The following PRSS12 variants were observed in gnomAD, a reference collection of about 807,000 sequenced individuals.
PRSS12 encodes the protein neurotrypsin.
In PRSS12, 85 loss-of-function variants were observed where a neutral mutation model predicts 104.4. That is an observed-to-expected ratio of 0.81 (90% confidence interval 0.68 to 0.98). The LOEUF is 0.98. Among genes scored for constraint, PRSS12 ranks in the 50% least tolerant of loss-of-function variants. PRSS12 has a pLI of 0.00. For missense variants in PRSS12, 1,141 were observed against 1,139.2 expected (o/e 1.00, Z -0.02); for synonymous variants, 454 against 425.2 (o/e 1.07, Z -0.83).
intron 11 of PRSS12, among the ~76,000 whole-genome samples, chr4:118,293,055 C>G (rs1192206055): frequency 6.6e-6 from 1 of 151,294 alleles, no homozygotes; most frequent in Non-Finnish European, 1.5e-5. Context: ...AAATAAAATA[C>G]ATATTATCTG....
chr4:118,323,486 G>A (rs1723686070), intron 4 of PRSS12, among the ~76,000 whole-genome samples: 1 of 151,422 alleles, frequency 6.6e-6, no homozygotes, highest in African/African-American at 2.4e-5. Context: ...AAAGGCGGGA[G>A]GGAGAAAGAA....
At chr4:118,304,206 A>G (rs1224607812) in intron 8 of PRSS12, among the ~76,000 whole-genome samples, 5 of 151,746 alleles carry the variant, frequency 3.3e-5, no homozygotes, top group African/African-American at 1.2e-4. Flanking sequence ...GTGTATATAT[A>G]CATATACACA....
At position 118,338,224 on chromosome 4, in the gene PRSS12, T is replaced by A; in HGVS notation, c.593A>T (p.His198Leu). ...SGVWGTVCSS[H>L]WDDSDASVIC... is the part of the protein sequence containing the mutation. ...GACTGATGCATCAGAATCATCCCAG[T>A]GGCTGCTACAGACAGTGCCCCAAAC... The change falls in exon 2 of 13, where the codon CAC becomes CTC. Residue 198 changes from histidine (H) to leucine (L), a missense_variant. His to Leu is a moderately conservative substitution (Grantham distance 99). Coordinates refer to ENST00000296498, the MANE Select transcript of PRSS12 (RefSeq NM_003619.4). 6 of 1,614,050 alleles carry A rather than the reference T, an allele frequency of 3.7e-6. No homozygotes were observed. Among genetic ancestry groups the A allele is most frequent in the Non-Finnish European group, 5.1e-6 (6 of 1,179,956 alleles).
chr4:118,315,379 T>C (rs1006345518), intron 6 of PRSS12, among the ~76,000 whole-genome samples: 1 of 152,194 alleles, frequency 6.6e-6, no homozygotes, highest in Admixed American at 6.5e-5. Context: ...TTAAAATATA[T>C]GTTTAACATG....
intron 1 of PRSS12, among the ~76,000 whole-genome samples, chr4:118,350,555 T>C (rs927414060): frequency 1.3e-5 from 2 of 152,228 alleles, no homozygotes; most frequent in African/African-American, 4.8e-5. Context: ...GTTTCTCTTT[T>C]GTTCAATCAC....
chr4:118,346,458 T>TTTTA (rs1724358221), intron 1 of PRSS12, among the ~76,000 whole-genome samples: 1 of 147,838 alleles, frequency 6.8e-6, no homozygotes, highest in African/African-American at 2.5e-5. Context: ...ACTTTCCTAT[T>TTTTA]TATATATATA....
chr4:118,325,962 A>T (rs1302234148), intron 4 of PRSS12, among the ~76,000 whole-genome samples: 1 of 152,206 alleles, frequency 6.6e-6, no homozygotes, highest in Non-Finnish European at 1.5e-5. Flanking sequence ...ATCCCTATTC[A>T]AAACATTCTT....
At chr4:118,317,386 G>A (rs1201048144) in intron 5 of PRSS12, among the ~76,000 whole-genome samples, 1 of 152,062 alleles carries the variant, frequency 6.6e-6, no homozygotes, top group African/African-American at 2.4e-5. Flanking sequence ...ATAATCTTGG[G>A]TAAGGGTCAT....
At position 118,352,329 on chromosome 4, in the gene PRSS12, C is replaced by G; in HGVS notation, c.392G>C (p.Arg131Pro). The G allele has an allele frequency of 3.1e-6, 5 of 1,588,866 alleles. No individual in the cohort carries two copies. Among genetic ancestry groups the G allele is most frequent in the South Asian group, 1.1e-5 (1 of 87,672 alleles). The change falls in exon 1 of 13, where the codon CGA becomes CCA. Residue 131 changes from arginine to proline, a missense_variant. By Grantham distance (103) the Arg-to-Pro change is moderately radical (BLOSUM62 -2). Transcript: ENST00000296498. Reference protein sequence around the residue: ...RSPPASWAQLRGQRHNFCRSP... With the variant: ...RSPPASWAQLPGQRHNFCRSP... ...CCGACAAAAGTTGTGGCGCTGTCCTCGCAGCTGAGCCCAGCTCGCTGGGGG... is the reference window on the plus strand; with the variant it reads ...CCGACAAAAGTTGTGGCGCTGTCCTGGCAGCTGAGCCCAGCTCGCTGGGGG...
chr4:118,351,568 T>C (rs1724505965), intron 1 of PRSS12, among the ~76,000 whole-genome samples: 1 of 152,218 alleles, frequency 6.6e-6, no homozygotes, highest in Non-Finnish European at 1.5e-5. Flanking sequence ...TATATTAAGT[T>C]GCTACTTCAC....
chr4:118,282,282 A>C (rs375079010), intron 12 of PRSS12, 39 bp from the exon 13 acceptor site: 2 of 1,608,770 alleles, frequency 1.2e-6, no homozygotes. Flanking sequence ...CATTCCAGAT[A>C]ACCATCGCAA....
chr4:118,343,485 C>T (rs1396105121), intron 1 of PRSS12, among the ~76,000 whole-genome samples: 1 of 152,162 alleles, frequency 6.6e-6, no homozygotes, highest in Non-Finnish European at 1.5e-5. Flanking sequence ...AGAAAAGGAA[C>T]CAAATGAGTC....
At chr4:118,310,868 T>C (rs1743691441) in intron 7 of PRSS12, among the ~76,000 whole-genome samples, 1 of 152,112 alleles carries the variant, frequency 6.6e-6, no homozygotes, top group Non-Finnish European at 1.5e-5. Flanking sequence ...CTGGCCAACA[T>C]GGCAAAACTC....
Position 118,335,467 on chromosome 4 carries a change from T to C in PRSS12, c.820+6A>G, listed in dbSNP as rs1358382148. 3.7e-6 allele frequency: 6 copies of C among 1,613,772 alleles called. No homozygotes were observed. Among genetic ancestry groups the C allele is most frequent in the Non-Finnish European group, 5.1e-6 (6 of 1,179,898 alleles). On this transcript the variant is annotated splice_donor_region_variant and intron_variant, in intron 3 of 12. Transcript: ENST00000296498. ...TAAAACAACAGAACTTTTTTCTTTTTTTTACCATGGGAAAAGCTACACGTG... is the reference window on the plus strand; with the variant it reads ...TAAAACAACAGAACTTTTTTCTTTTCTTTACCATGGGAAAAGCTACACGTG...
chr4:118,323,895 CTAGA>C (rs913794055), intron 4 of PRSS12, among the ~76,000 whole-genome samples: 4 of 151,352 alleles, frequency 2.6e-5, no homozygotes, highest in East Asian at 1.9e-4. Flanking sequence ...GTATATATAT[CTAGA>C]TAGATAGATA....
At chr4:118,346,599 G>C (rs1364701190) in intron 1 of PRSS12, among the ~76,000 whole-genome samples, 1 of 151,840 alleles carries the variant, frequency 6.6e-6, no homozygotes, top group Non-Finnish European at 1.5e-5. Flanking sequence ...CTTTTACATA[G>C]GTTATCTTAT....
In PRSS12 at chr4:118,313,190, C is replaced by G; in HGVS notation, c.1489+11G>C. 6.2e-7 allele frequency: 1 copy of G among 1,612,256 alleles called. No individual in the cohort carries two copies. On this transcript the variant is annotated intron_variant, in intron 7 of 12. Coordinates refer to ENST00000296498, the MANE Select transcript of PRSS12 (RefSeq NM_003619.4). ...AATGATGGAAACTTGAGAGCTGCAG[C>G]CAGTCCTCACCCAGAGAGAGCCTGT...
At position 118,281,903 on chromosome 4, in the gene PRSS12, G is replaced by C. The variant is rs1024515027; in HGVS notation, c.*33C>G. On this transcript the variant is annotated 3_prime_UTR_variant, in exon 13 of 13. Coordinates refer to ENST00000296498, the MANE Select transcript of PRSS12 (RefSeq NM_003619.4). ...AGTGGGGGTTCAAAGTTTTCCATTT[G>C]TTTAAATGCTGCTTTGAAGTTTCCA... 15 of 970,680 alleles carry C rather than the reference G, an allele frequency of 1.5e-5. No individual in the cohort carries two copies. Among genetic ancestry groups the C allele is most frequent in the Non-Finnish European group, 2.4e-5 (14 of 591,954 alleles). The allele number at this position is 970,680 out of a possible 1,614,324, so 60.1% of individuals were successfully genotyped here.
At position 118,280,420 on chromosome 4, in the gene PRSS12, C is replaced by G. The variant is rs1742813641; in HGVS notation, c.*1516G>C. Reference sequence around the variant, plus strand: ...TTTTACAAAAGTTTTTAATGCTCTTCTGCATTATATGCAGCATTGCAAATC... The same window carrying G: ...TTTTACAAAAGTTTTTAATGCTCTTGTGCATTATATGCAGCATTGCAAATC... On this transcript the variant is annotated 3_prime_UTR_variant, in exon 13 of 13. Transcript: ENST00000296498. 1 of 152,222 alleles carries G rather than the reference C, an allele frequency of 6.6e-6. No homozygotes were observed. Among genetic ancestry groups the G allele is most frequent in the African/African-American group, 2.4e-5 (1 of 41,456 alleles). 9.4% of individuals were successfully genotyped at this position (152,222 alleles called of 1,614,324 possible).
Sources: allele counts gnomAD v4.1 joint callset (sites outside exome capture counted in the v4.1 genomes callset), GRCh38; gene constraint gnomAD v4.1.1; transcripts MANE v1.5; gene names NCBI Gene and HGNC (gene_info 2026-07-23, HGNC 2026-07-21).